Variants in ASAH1 observed in about 807,000 individuals in gnomAD.
ASAH1 encodes the protein acid ceramidase.
Under a neutral mutation model 59.5 loss-of-function variants are expected in ASAH1, and 70 were observed. The observed-to-expected ratio is 1.18, with a 90% CI of 0.97 to 1.43. ASAH1 has a LOEUF of 1.43. Among genes scored for constraint, ASAH1 ranks in the 40% most tolerant of loss-of-function variants. The pLI, the probability that ASAH1 is intolerant of heterozygous loss-of-function variation, is 0.00. For synonymous variants in ASAH1, 213 were observed against 166.5 expected, an observed-to-expected ratio of 1.28 and a Z score of -2.15; for missense variants, 660 against 482.5, an observed-to-expected ratio of 1.37 and a Z score of -3.45.
intron 1 of ASAH1, among the ~76,000 whole-genome samples, chr8:18,077,391 A>G (rs1399473285): frequency 6.6e-6 from 1 of 152,206 alleles, no homozygotes; most frequent in South Asian, 2.1e-4. Context: ...ATTTTTATAG[A>G]TCTTAGCAGA....
intron 2 of ASAH1, among the ~76,000 whole-genome samples, chr8:18,072,831 G>A (rs1004446289): frequency 1.3e-5 from 2 of 152,076 alleles, no homozygotes; most frequent in Admixed American, 1.3e-4. Context: ...AGATAACTCA[G>A]TGGCCTGTTG....
intron 3 of ASAH1, 140 bp from the exon 4 acceptor site, chr8:18,070,018 T>C: frequency 1.8e-6 from 1 of 555,746 alleles, no homozygotes; most frequent in Non-Finnish European, 3.1e-6. Context: ...TCTCGCTCTG[T>C]CACCCAGGCT....
rs1248929220 is a variant in ASAH1, at chr8:18,059,715, C to T, written c.786-12G>A. 6 of 1,597,566 alleles carry T rather than the reference C, an allele frequency of 3.8e-6. 1 individual carries two copies. The Middle Eastern group carries it at 6.7e-4, about 178-fold the overall frequency. ...TGGCTTCTTCATAACTATATAGAAA[C>T]ATTTAAAAAGAAAAATGAAACTTTT... On this transcript the variant is annotated splice_polypyrimidine_tract_variant and intron_variant, in intron 10 of 13. Transcript: ENST00000637790.
chr8:18,072,301 T>C (rs1800207827), intron 2 of ASAH1, among the ~76,000 whole-genome samples: 4 of 152,228 alleles, frequency 2.6e-5, no homozygotes, highest in Admixed American at 2.6e-4. Context: ...GATACCAGTC[T>C]CCTAAATAGA....
chr8:18,064,147 C>A, intron 6 of ASAH1: 6 of 513,548 alleles, frequency 1.2e-5, no homozygotes, highest in Middle Eastern at 5.1e-4. Flanking sequence ...GCACCTCCTG[C>A]GAGCACTTCC....
intron 7 of ASAH1, 22 bp from the exon 8 acceptor site, chr8:18,062,445 G>A (rs1456541261): frequency 6.2e-7 from 1 of 1,613,046 alleles, no homozygotes; most frequent in Non-Finnish European, 8.5e-7. Flanking sequence ...ATGTTTCAGT[G>A]ACATTTCAGA....
intron 1 of ASAH1, among the ~76,000 whole-genome samples, chr8:18,077,518 C>T (rs1337480376): frequency 6.6e-6 from 1 of 152,174 alleles, no homozygotes; most frequent in African/African-American, 2.4e-5. Context: ...TCAAACTTGG[C>T]AATGATCATC....
At chr8:18,078,934 T>G (rs1800526941) in intron 1 of ASAH1, among the ~76,000 whole-genome samples, 1 of 151,932 alleles carries the variant, frequency 6.6e-6, no homozygotes. Flanking sequence ...CCCTCAGTGG[T>G]CTCCTAAGAG....
At chr8:18,069,619 C>A in intron 4 of ASAH1, 173 bp downstream of exon 4, 2 of 571,360 alleles carry the variant, frequency 3.5e-6, no homozygotes, top group Admixed American at 3.0e-5. Flanking sequence ...TATGCTGTAA[C>A]CCTAATATTA....
chr8:18,057,415 C>T lies in ASAH1; in HGVS notation c.*119G>A, dbSNP rs1213158368. 6 of 702,560 alleles carry T rather than the reference C, an allele frequency of 8.5e-6. No individual in the cohort carries two copies. The highest frequency in any genetic ancestry group is 1.5e-5 in the Non-Finnish European group (6 of 402,404). The allele number at this position is 702,560 out of a possible 1,614,324, so 43.5% of individuals were successfully genotyped here. A position where few individuals can be genotyped will look rare whatever the true frequency, so the allele number is the denominator to read the frequency against. On this transcript the variant is annotated 3_prime_UTR_variant, in exon 14 of 14. Transcript: ENST00000637790. ...CAGATGGACGAAGACAAGCTATTGA[C>T]TCAAAGAGAACCTGCCGCGAGTCTT...
intron 5 of ASAH1, chr8:18,066,657 A>T (rs1799941358): frequency 6.6e-6 from 1 of 152,296 alleles, no homozygotes; most frequent in Non-Finnish European, 1.5e-5. Flanking sequence ...CACTTTGGAA[A>T]ACTGTTTGGC....
At chr8:18,077,616 T>G (rs1021236187) in intron 1 of ASAH1, among the ~76,000 whole-genome samples, 1 of 152,206 alleles carries the variant, frequency 6.6e-6, no homozygotes, top group African/African-American at 2.4e-5. Flanking sequence ...CTTTAATTGA[T>G]ATTGATGTTC....
At chr8:18,080,477 C>T (rs985514298) in intron 1 of ASAH1, among the ~76,000 whole-genome samples, 1 of 152,138 alleles carries the variant, frequency 6.6e-6, no homozygotes, top group Non-Finnish European at 1.5e-5. Context: ...ATCATAATAC[C>T]ACTGACATCT....
At chr8:18,084,665 T>C (rs1345798399), upstream of ASAH1, 1 of 1,613,126 alleles carries the variant, frequency 6.2e-7, no homozygotes, top group Non-Finnish European at 8.5e-7. Flanking sequence ...TCCAAGCTGT[T>C]GGTTACCCAC....
At chr8:18,081,955 C>A (rs1408692010) in intron 1 of ASAH1, among the ~76,000 whole-genome samples, 1 of 152,176 alleles carries the variant, frequency 6.6e-6, no homozygotes, top group African/African-American at 2.4e-5. Flanking sequence ...AATTTTTATT[C>A]TGCCAAATGG....
At chr8:18,072,533 T>C (rs1588994663) in intron 2 of ASAH1, among the ~76,000 whole-genome samples, 1 of 152,174 alleles carries the variant, frequency 6.6e-6, no homozygotes, top group South Asian at 2.1e-4. Flanking sequence ...TTTGGAAATG[T>C]ACATTTAAAC....
intron 6 of ASAH1, chr8:18,063,470 CTT>C (rs376358665): frequency 4.3e-3 from 1,236 of 288,386 alleles, no homozygotes; most frequent in East Asian, 6.3e-3. Flanking sequence ...CACCTGGCTA[CTT>C]TTTTTTTTTT....
intron 2 of ASAH1, 77 bp downstream of exon 2, chr8:18,075,464 G>T: frequency 2.1e-6 from 3 of 1,405,718 alleles, no homozygotes; most frequent in Non-Finnish European, 2.0e-6. Context: ...ACTATCGTTC[G>T]TTTATGAGCA....
At chr8:18,075,963 T>G in intron 1 of ASAH1, 2 of 320,252 alleles carry the variant, frequency 6.2e-6, no homozygotes, top group South Asian at 5.4e-5. Flanking sequence ...CCATGTGTGT[T>G]GCAACCTGTC....
Sources: gnomAD v4.1 joint callset for allele counts (sites outside exome capture counted in the v4.1 genomes callset) on GRCh38, gnomAD v4.1.1 for gene constraint, MANE v1.5 for transcripts, NCBI Gene and HGNC (gene_info 2026-07-23, HGNC 2026-07-21) for gene names.